The following CSMD1 variants were observed in gnomAD, a reference collection of about 807,000 sequenced individuals.
The protein encoded by CSMD1 is CUB and sushi domain-containing protein 1.
A neutral mutation model predicts 417.5 loss-of-function variants in CSMD1; 213 were observed. The observed-to-expected ratio is 0.51, with a 90% CI of 0.46 to 0.57. The LOEUF (loss-of-function observed/expected upper bound fraction) is 0.57, where lower values mean the gene tolerates loss of function less well. CSMD1 is among the 20% of genes least tolerant of loss of function. The pLI, the probability that CSMD1 is intolerant of heterozygous loss-of-function variation, is 0.00. For missense variants in CSMD1, 6,923 were observed against 4,529.7 expected (o/e 1.53, Z -15.17); for synonymous variants, 2,862 against 1,736.8 (o/e 1.65, Z -16.11).
chr8:4,694,235 A>C (rs959825645), intron 1 of CSMD1, among the ~76,000 whole-genome samples: 6 of 152,236 alleles, frequency 3.9e-5, no homozygotes, highest in African/African-American at 1.2e-4. Flanking sequence ...ACTAATCAGA[A>C]ACTCAAAAGA....
At chr8:3,042,632 G>C (rs11991302) in intron 50 of CSMD1, among the ~76,000 whole-genome samples, 8,507 of 152,124 alleles carry the variant, frequency 0.056, 784 homozygotes, top group African/African-American at 0.19. Context: ...CCATCATGGA[G>C]CAACCGAGCA....
intron 54 of CSMD1, among the ~76,000 whole-genome samples, chr8:2,982,890 T>C (rs528218849): frequency 6.6e-6 from 1 of 152,212 alleles, no homozygotes; most frequent in South Asian, 2.1e-4. Context: ...TGCACGCTGG[T>C]CTCTTATAGG....
At position 3,387,525 on chromosome 8, in the gene CSMD1, G is replaced by T; in HGVS notation, c.2751C>A (p.His917Gln). 6.2e-7 allele frequency: 1 copy of T among 1,602,448 alleles called. No homozygotes were observed. The highest frequency in any genetic ancestry group is 1.1e-5 in the South Asian group (1 of 88,546). Residue 917 changes from histidine to glutamine, a missense_variant, in exon 18 of 70, where the codon CAC becomes CAA. By Grantham distance (24) the His-to-Gln change is conservative. Coordinates refer to ENST00000635120, the MANE Select transcript of CSMD1 (RefSeq NM_033225.6). The stretch of plus-strand genomic sequence containing the variant: ...AGCTGGGCAAGGCGTGGTTCCACTG[G>T]TGGTTCCTCTCACAGACGAGGGGCT... ...DDEPLVCERN[H>Q]QWNHALPSCD...
At chr8:4,686,436 G>T (rs1806391554) in intron 1 of CSMD1, among the ~76,000 whole-genome samples, 1 of 152,200 alleles carries the variant, frequency 6.6e-6, no homozygotes, top group African/African-American at 2.4e-5. Flanking sequence ...CCCGATGTAG[G>T]CCATAAGTAG....
chr8:4,193,278 G>A (rs565850024), intron 3 of CSMD1, among the ~76,000 whole-genome samples: 10 of 152,166 alleles, frequency 6.6e-5, no homozygotes, highest in African/African-American at 1.7e-4. Flanking sequence ...TGCATCACAC[G>A]TGTATTAAAA....
At chr8:3,226,004 C>T (rs375761349) in intron 27 of CSMD1, among the ~76,000 whole-genome samples, 1 of 152,240 alleles carries the variant, frequency 6.6e-6, no homozygotes, top group South Asian at 2.1e-4. Context: ...CAACAGCACA[C>T]ATACATACGT....
intron 3 of CSMD1, among the ~76,000 whole-genome samples, chr8:4,330,533 T>G (rs1799808986): frequency 6.7e-6 from 1 of 150,206 alleles, no homozygotes; most frequent in African/African-American, 2.4e-5. Context: ...GAGGTTACAG[T>G]AAGCCAAGAT....
chr8:4,435,096 C>T (rs1798079907), intron 2 of CSMD1, among the ~76,000 whole-genome samples: 1 of 151,976 alleles, frequency 6.6e-6, no homozygotes, highest in African/African-American at 2.4e-5. Flanking sequence ...AAGCCATTAA[C>T]AGTAGATGCT....
intron 1 of CSMD1, among the ~76,000 whole-genome samples, chr8:4,651,609 A>G (rs1239569221): frequency 2.6e-5 from 4 of 152,226 alleles, no homozygotes; most frequent in African/African-American, 9.6e-5. Flanking sequence ...TGAGGCCCAC[A>G]TGGTTAATAT....
intron 3 of CSMD1, among the ~76,000 whole-genome samples, chr8:4,362,662 G>C (rs1045073832): frequency 3.3e-5 from 5 of 152,152 alleles, no homozygotes; most frequent in African/African-American, 9.7e-5. Context: ...AGAAGGAAAG[G>C]ACAGTGAAAT....
intron 52 of CSMD1, among the ~76,000 whole-genome samples, chr8:3,012,476 T>C (rs1038789573): frequency 3.3e-5 from 5 of 152,168 alleles, no homozygotes; most frequent in African/African-American, 1.2e-4. Flanking sequence ...GTATGAGTCA[T>C]GTTGCGATGA....
chr8:3,387,761 C>T (rs1306476155), intron 17 of CSMD1, 79 bp from the exon 18 acceptor site: 10 of 1,139,718 alleles, frequency 8.8e-6, no homozygotes, highest in South Asian at 4.6e-5. Flanking sequence ...CCATCAACTA[C>T]GAAATAGTCT....
intron 1 of CSMD1, among the ~76,000 whole-genome samples, chr8:4,666,750 T>C (rs372240112): frequency 6.6e-6 from 1 of 152,192 alleles, no homozygotes; most frequent in Admixed American, 6.5e-5. Context: ...TACAGTCAAG[T>C]CCTTCATCAG....
intron 5 of CSMD1, among the ~76,000 whole-genome samples, chr8:3,977,772 G>C (rs17068373): frequency 0.014 from 2,179 of 152,272 alleles, 49 homozygotes; most frequent in African/African-American, 0.049. Flanking sequence ...TGTATGCTTA[G>C]TTAATTTGCT....
At chr8:4,562,633 A>C (rs1000299734) in intron 2 of CSMD1, among the ~76,000 whole-genome samples, 1 of 152,322 alleles carries the variant, frequency 6.6e-6, no homozygotes, top group South Asian at 2.1e-4. Context: ...AGGACACATC[A>C]GAAATGTCAG....
chr8:2,946,134 G>A (rs896169465), intron 68 of CSMD1, among the ~76,000 whole-genome samples: 3 of 152,116 alleles, frequency 2.0e-5, no homozygotes, highest in Non-Finnish European at 1.5e-5. Flanking sequence ...TGGCAGCTGT[G>A]GTGTCACCAG....
At chr8:4,321,350 C>T (rs184463741) in intron 3 of CSMD1, among the ~76,000 whole-genome samples, 3 of 152,216 alleles carry the variant, frequency 2.0e-5, no homozygotes, top group East Asian at 3.9e-4. Context: ...CTCTCCTCTC[C>T]CGCGCTGGCA....
chr8:4,144,254 C>G (rs1803975002), intron 3 of CSMD1, among the ~76,000 whole-genome samples: 1 of 151,016 alleles, frequency 6.6e-6, no homozygotes, highest in Non-Finnish European at 1.5e-5. Context: ...AGTTCCCTGC[C>G]TCAAGACCTT....
At chr8:4,108,675 C>T (rs1329159326) in intron 3 of CSMD1, among the ~76,000 whole-genome samples, 1 of 152,130 alleles carries the variant, frequency 6.6e-6, no homozygotes, top group Non-Finnish European at 1.5e-5. Flanking sequence ...AATTATTTTC[C>T]CCCTTTTAGA....
Sources: allele counts gnomAD v4.1 joint callset (sites outside exome capture counted in the v4.1 genomes callset), GRCh38; gene constraint gnomAD v4.1.1; transcripts MANE v1.5; gene names NCBI Gene and HGNC (gene_info 2026-07-23, HGNC 2026-07-21).